BABAM2: variants seen among roughly 807,000 people sequenced by gnomAD.
BABAM2 encodes BRISC and BRCA1 A complex member 2, also known as BRISC and BRCA1-A complex member 2.
BABAM2 carries 31 observed loss-of-function variants against 54.7 expected under a neutral mutation model. That is an observed-to-expected ratio of 0.57 (90% CI 0.43 to 0.77). BABAM2 has a LOEUF of 0.77. BABAM2 is among the 30% of genes least tolerant of loss of function. The pLI is 0.00. For synonymous variants in BABAM2, 167 were observed against 162.9 expected (o/e 1.03, Z -0.19); for missense variants, 364 against 455.8 (o/e 0.80, Z 1.83).
chr2:28,136,629 A>C, intron 7 of BABAM2, among the ~76,000 whole-genome samples: 1 of 152,340 alleles, frequency 6.6e-6, no homozygotes, highest in East Asian at 1.9e-4. Flanking sequence ...GCCCTGTTTC[A>C]TAAGAGCGGT....
intron 3 of BABAM2, among the ~76,000 whole-genome samples, chr2:27,981,859 G>A (rs531888133): frequency 6.6e-6 from 1 of 152,150 alleles, no homozygotes; most frequent in Admixed American, 6.5e-5. Flanking sequence ...CTTCTGTTGG[G>A]TATATGTATA....
At chr2:28,267,599 G>A (rs1280324062) in intron 10 of BABAM2, among the ~76,000 whole-genome samples, 1 of 152,230 alleles carries the variant, frequency 6.6e-6, no homozygotes, top group Non-Finnish European at 1.5e-5. Context: ...CATTATGGAT[G>A]AAAGGAGGAC....
At chr2:28,309,868 G>A (rs951153313) in intron 11 of BABAM2, 13 of 549,132 alleles carry the variant, frequency 2.4e-5, no homozygotes, top group African/African-American at 3.8e-5. Flanking sequence ...TAAAGTCAGT[G>A]CTGGTGAGCG....
In BABAM2 at chr2:28,201,022, C is replaced by T. The variant is rs1031881138; in HGVS notation, c.681-36180C>T. Among the ~76,000 whole-genome samples the T allele has an allele frequency of 3.9e-5, 6 of 152,268 alleles. No homozygotes were observed. In the East Asian group the frequency reaches 7.7e-4, roughly 20 times the overall value. ...CTGACCTCAAGTGATCCTCCCACCT[C>T]GGCCTCCCAAAGTGCTCAGTTTACA... On this transcript the variant is annotated intron_variant, in intron 7 of 11. Coordinates refer to ENST00000379624, the MANE Select transcript of BABAM2 (RefSeq NM_199191.3).
intron 5 of BABAM2, among the ~76,000 whole-genome samples, chr2:28,026,829 T>TAA (rs1675745757): frequency 1.9e-5 from 1 of 53,572 alleles, no homozygotes; most frequent in African/African-American, 7.3e-5. Context: ...TATTTATATA[T>TAA]ATAAATATAT....
chr2:28,014,480 A>C (rs988436917), intron 4 of BABAM2, among the ~76,000 whole-genome samples: 1 of 152,182 alleles, frequency 6.6e-6, no homozygotes. Context: ...AAATGTGAGG[A>C]CTTAACCTAA....
chr2:28,330,187 A>C (rs1690828634), intron 11 of BABAM2, among the ~76,000 whole-genome samples: 2 of 152,226 alleles, frequency 1.3e-5, no homozygotes, highest in Admixed American at 6.5e-5. Context: ...ATACCTCAAA[A>C]TAATAAGAGC....
At chr2:28,110,584 A>AT (rs1350869064) in intron 6 of BABAM2, among the ~76,000 whole-genome samples, 2 of 151,994 alleles carry the variant, frequency 1.3e-5, no homozygotes, top group South Asian at 4.1e-4. Flanking sequence ...AGATTGCGCC[A>AT]TTGCACTCCA....
At chr2:28,323,662 A>T (rs757474139) in intron 11 of BABAM2, among the ~76,000 whole-genome samples, 2 of 152,178 alleles carry the variant, frequency 1.3e-5, no homozygotes, top group Non-Finnish European at 2.9e-5. Flanking sequence ...CAGTTTGACT[A>T]TGCGGGATGA....
chr2:27,920,409 G>A (rs1176640477), intron 2 of BABAM2, among the ~76,000 whole-genome samples: 1 of 152,098 alleles, frequency 6.6e-6, no homozygotes, highest in Non-Finnish European at 1.5e-5. Context: ...CTTTACTGCT[G>A]CATCCAGTCT....
chr2:28,100,317 G>C (rs543928446), intron 6 of BABAM2, among the ~76,000 whole-genome samples: 1 of 151,866 alleles, frequency 6.6e-6, no homozygotes, highest in African/African-American at 2.4e-5. Flanking sequence ...AAAATTAACC[G>C]GGTGTGGTGG....
intron 7 of BABAM2, among the ~76,000 whole-genome samples, chr2:28,166,693 G>A (rs1673714327): frequency 6.6e-6 from 1 of 152,180 alleles, no homozygotes; most frequent in African/African-American, 2.4e-5. Context: ...TCCACTGGGA[G>A]CCCCGCTCAT....
At chr2:28,252,353 A>G (rs78283083) in intron 10 of BABAM2, among the ~76,000 whole-genome samples, 1,675 of 152,348 alleles carry the variant, frequency 0.011, 19 homozygotes, top group Middle Eastern at 0.054. Context: ...TATGGGAACT[A>G]CTGAGTCCTT....
intron 11 of BABAM2, among the ~76,000 whole-genome samples, chr2:28,324,627 CAAA>C (rs142164893): frequency 7.6e-6 from 1 of 132,314 alleles, no homozygotes; most frequent in Non-Finnish European, 1.6e-5. Context: ...CCCATCTCTA[CAAA>C]AAAAAAAAAA....
At chr2:28,332,995 G>A (rs1286607735) in intron 11 of BABAM2, among the ~76,000 whole-genome samples, 1 of 152,124 alleles carries the variant, frequency 6.6e-6, no homozygotes, top group African/African-American at 2.4e-5. Flanking sequence ...CTGAACTGAG[G>A]ACAAGGACCC....
At chr2:27,958,579 T>C (rs2148423258) in intron 3 of BABAM2, among the ~76,000 whole-genome samples, 1 of 151,154 alleles carries the variant, frequency 6.6e-6, no homozygotes, top group Admixed American at 6.6e-5. Context: ...TGTATATATG[T>C]ATATTTAGTT....
intron 5 of BABAM2, among the ~76,000 whole-genome samples, chr2:28,045,404 TA>T (rs544048267): frequency 8.1e-4 from 124 of 152,254 alleles, no homozygotes; most frequent in Middle Eastern, 3.4e-3. Context: ...TGTTTGGGAT[TA>T]AAAAAATAAT....
chr2:28,053,063 T>C (rs1464039557), intron 6 of BABAM2, among the ~76,000 whole-genome samples: 1 of 152,208 alleles, frequency 6.6e-6, no homozygotes, highest in East Asian at 1.9e-4. Flanking sequence ...TTATTTAAAA[T>C]CCAGCAAGCT....
intron 4 of BABAM2, among the ~76,000 whole-genome samples, chr2:27,994,952 A>G (rs1673036281): frequency 6.6e-6 from 1 of 152,210 alleles, no homozygotes; most frequent in South Asian, 2.1e-4. Flanking sequence ...AATTTAATAT[A>G]GAGAATTACT....
Sources: allele counts gnomAD v4.1 joint callset (sites outside exome capture counted in the v4.1 genomes callset), GRCh38; gene constraint gnomAD v4.1.1; transcripts MANE v1.5; gene names NCBI Gene and HGNC (gene_info 2026-07-23, HGNC 2026-07-21).